RAB20: variants seen among roughly 807,000 people sequenced by gnomAD.
RAB20 encodes the protein ras-related protein Rab-20.
A neutral mutation model predicts 3.7 loss-of-function variants in RAB20; 2 were observed. The ratio of observed to expected loss-of-function variants is 0.54; its 90% CI spans 0.22 to 1.69. The LOEUF is 1.69. RAB20 is among the 40% of genes most tolerant of loss of function. The probability of loss-of-function intolerance (pLI) is 0.19; values close to 1 mark genes in which losing one functional copy is unlikely to be tolerated. For missense variants in RAB20, 276 were observed against 311.9 expected (o/e 0.88, Z 0.87); for synonymous variants, 126 against 130.8 (o/e 0.96, Z 0.25).
chr13:110,558,800 C>G (rs1419796857), intron 1 of RAB20, among the ~76,000 whole-genome samples: 2 of 148,974 alleles, frequency 1.3e-5, no homozygotes, highest in African/African-American at 5.0e-5. Flanking sequence ...CTGGTTCAAG[C>G]GATTCTCCTG....
At chr13:110,532,106 T>C (rs567723508) in intron 1 of RAB20, among the ~76,000 whole-genome samples, 16 of 152,188 alleles carry the variant, frequency 1.1e-4, no homozygotes, top group African/African-American at 2.4e-4. Flanking sequence ...ATCTTAAGCA[T>C]GGGGTGGGGA....
intron 1 of RAB20, among the ~76,000 whole-genome samples, chr13:110,544,757 G>A (rs1044079378): frequency 1.2e-4 from 19 of 152,246 alleles, no homozygotes; most frequent in African/African-American, 3.6e-4. Context: ...CAGGTAAAGC[G>A]CCTCACCGAG....
intron 1 of RAB20, among the ~76,000 whole-genome samples, chr13:110,538,597 CAAAAAAAAAAA>C (rs67409356): frequency 2.8e-5 from 2 of 70,730 alleles, no homozygotes; most frequent in East Asian, 3.8e-4. Context: ...GATCTTCTCT[CAAAAAAAAAAA>C]AAAAAAAAAA....
At chr13:110,539,544 TTTTTG>T in intron 1 of RAB20, among the ~76,000 whole-genome samples, 2 of 70,658 alleles carry the variant, frequency 2.8e-5, no homozygotes, top group Non-Finnish European at 5.4e-5. Flanking sequence ...TTGTTTTTTG[TTTTTG>T]TTTTTGGGTT....
chr13:110,523,755 G>A lies in RAB20; in HGVS notation c.615C>T (p.Ile205=). 1 of 1,614,210 alleles carries A rather than the reference G, an allele frequency of 6.2e-7. No individual in the cohort carries two copies. ...ACGGCCTCTCAGCTCTCTGCTGTAA[G>A]ATCATTGGCACCACCAGGTCAAAGA... is the stretch of plus-strand genomic sequence containing the variant. ...ETLFDLVVPM[I]LQQRAERPSH... is the part of the protein sequence containing the mutation. The change falls in exon 2 of 2, where the codon ATC becomes ATT. Residue 205 remains isoleucine, a synonymous_variant. Coordinates refer to ENST00000267328, the MANE Select transcript of RAB20 (RefSeq NM_017817.3).
At chr13:110,557,525 G>A (rs777344655) in intron 1 of RAB20, among the ~76,000 whole-genome samples, 7 of 152,324 alleles carry the variant, frequency 4.6e-5, no homozygotes, top group East Asian at 3.9e-4. Flanking sequence ...AGGACCCAAA[G>A]GCCAGAGGAC....
At chr13:110,540,935 A>C (rs1212653855) in intron 1 of RAB20, among the ~76,000 whole-genome samples, 1 of 152,162 alleles carries the variant, frequency 6.6e-6, no homozygotes, top group Non-Finnish European at 1.5e-5. Context: ...GGGCTGCAGC[A>C]AGCCCCGCGC....
At chr13:110,558,959 G>C (rs1209852338) in intron 1 of RAB20, among the ~76,000 whole-genome samples, 4 of 152,026 alleles carry the variant, frequency 2.6e-5, no homozygotes, top group Non-Finnish European at 5.9e-5. Flanking sequence ...GCCTCCCAAA[G>C]TGCTGGGATT....
chr13:110,541,423 A>T (rs1307249518), intron 1 of RAB20, among the ~76,000 whole-genome samples: 2 of 152,254 alleles, frequency 1.3e-5, no homozygotes, highest in Non-Finnish European at 2.9e-5. Context: ...AAGTGTCTTC[A>T]AACAATCCAG....
At chr13:110,524,859 A>C (rs1404245217) in intron 1 of RAB20, among the ~76,000 whole-genome samples, 1 of 152,164 alleles carries the variant, frequency 6.6e-6, no homozygotes. Context: ...GGAATCCCTG[A>C]GGAGCCAGGC....
chr13:110,546,706 T>TG (rs1017499095), intron 1 of RAB20, among the ~76,000 whole-genome samples: 1 of 145,596 alleles, frequency 6.9e-6, no homozygotes, highest in Non-Finnish European at 1.5e-5. Flanking sequence ...TTCTGTTTTT[T>TG]TTTGTTTTTT....
intron 1 of RAB20, among the ~76,000 whole-genome samples, chr13:110,539,468 T>C (rs986688387): frequency 2.0e-5 from 3 of 152,080 alleles, no homozygotes; most frequent in African/African-American, 7.2e-5. Flanking sequence ...CTGCAACATA[T>C]GAGGCAGAGG....
intron 1 of RAB20, among the ~76,000 whole-genome samples, chr13:110,540,626 C>T (rs1387941637): frequency 6.6e-6 from 1 of 151,838 alleles, no homozygotes; most frequent in Non-Finnish European, 1.5e-5. Flanking sequence ...CCTCTAATCC[C>T]AGCTACTCGG....
At chr13:110,536,721 T>TTTGGGCGG (rs1164445964) in intron 1 of RAB20, among the ~76,000 whole-genome samples, 1 of 7,456 alleles carries the variant, frequency 1.3e-4, no homozygotes. Context: ...GGCTTTTTTT[T>TTTGGGCGG]GGGGCGGTGG....
chr13:110,536,846 T>G (rs919354457), intron 1 of RAB20, among the ~76,000 whole-genome samples: 18 of 151,450 alleles, frequency 1.2e-4, no homozygotes, highest in Non-Finnish European at 2.5e-4. Flanking sequence ...TTGCTACATA[T>G]GTATACATGT....
chr13:110,539,080 T>C (rs1162570829), intron 1 of RAB20, among the ~76,000 whole-genome samples: 1 of 152,158 alleles, frequency 6.6e-6, no homozygotes, highest in Non-Finnish European at 1.5e-5. Flanking sequence ...AAGGAGGCGA[T>C]TAGGTGACCT....
At chr13:110,528,423 A>AC (rs1162971903) in intron 1 of RAB20, among the ~76,000 whole-genome samples, 1 of 151,084 alleles carries the variant, frequency 6.6e-6, no homozygotes, top group African/African-American at 2.5e-5. Flanking sequence ...CAAAAAAAAA[A>AC]AAAACAAAAA....
chr13:110,532,531 C>G (rs2139576778), intron 1 of RAB20, among the ~76,000 whole-genome samples: 1 of 151,970 alleles, frequency 6.6e-6, no homozygotes, highest in East Asian at 1.9e-4. Context: ...CACACACCAC[C>G]AAGCCCAGCT....
intron 1 of RAB20, among the ~76,000 whole-genome samples, chr13:110,559,601 G>C (rs144836435): frequency 6.6e-6 from 1 of 152,316 alleles, no homozygotes; most frequent in East Asian, 1.9e-4. Flanking sequence ...GCCACTCTCT[G>C]TTCTGAGGAG....
Sources: allele counts gnomAD v4.1 joint callset (sites outside exome capture counted in the v4.1 genomes callset), GRCh38; gene constraint gnomAD v4.1.1; transcripts MANE v1.5; gene names NCBI Gene and HGNC (gene_info 2026-07-23, HGNC 2026-07-21).